Variants in RBFOX1 observed in about 807,000 individuals in gnomAD.
RBFOX1 encodes the protein RNA binding fox-1 homolog 1.
In RBFOX1, 8 loss-of-function variants were observed where a neutral mutation model predicts 57.7. That is an observed-to-expected ratio of 0.14 (90% CI 0.08 to 0.25). The LOEUF (loss-of-function observed/expected upper bound fraction) is 0.25. Among genes scored for constraint, RBFOX1 ranks in the 10% least tolerant of loss-of-function variants. The pLI is 1.00. For synonymous variants in RBFOX1, 326 were observed against 222.4 expected (o/e 1.47, Z -4.15); for missense variants, 611 against 548.5 (o/e 1.11, Z -1.14).
intron 4 of RBFOX1, among the ~76,000 whole-genome samples, chr16:5,974,396 G>A (rs1053847347): frequency 2.0e-5 from 3 of 152,022 alleles, no homozygotes; most frequent in African/African-American, 7.2e-5. Flanking sequence ...ATCATTTGAG[G>A]TCAGGAGTTC....
chr16:5,516,852 T>C (rs536484053), intron 2 of RBFOX1, among the ~76,000 whole-genome samples: 1 of 152,296 alleles, frequency 6.6e-6, no homozygotes, highest in East Asian at 1.9e-4. Context: ...CCTTCTGCCA[T>C]GATTGTAAGT....
intron 3 of RBFOX1, among the ~76,000 whole-genome samples, chr16:6,755,700 C>A (rs1013433243): frequency 1.3e-5 from 2 of 152,080 alleles, no homozygotes; most frequent in African/African-American, 2.4e-5. Flanking sequence ...CTAGAGAATT[C>A]GTTTCTTGGA....
intron 3 of RBFOX1, among the ~76,000 whole-genome samples, chr16:5,807,517 T>C (rs2055270627): frequency 6.6e-6 from 1 of 152,130 alleles, no homozygotes; most frequent in Non-Finnish European, 1.5e-5. Flanking sequence ...AACCAGGAAA[T>C]CAATTGGATG....
chr16:7,285,006 C>T (rs543750634), intron 4 of RBFOX1, among the ~76,000 whole-genome samples: 44 of 151,704 alleles, frequency 2.9e-4, no homozygotes, highest in Admixed American at 2.6e-3. Context: ...AATGGAATGC[C>T]GCCTCTTCAG....
intron 2 of RBFOX1, among the ~76,000 whole-genome samples, chr16:6,344,851 C>G (rs528236756): frequency 6.6e-6 from 1 of 151,692 alleles, no homozygotes; most frequent in South Asian, 2.1e-4. Flanking sequence ...CCACCATGCT[C>G]CACTAATTTT....
intron 3 of RBFOX1, among the ~76,000 whole-genome samples, chr16:6,689,810 C>T (rs538203064): frequency 1.3e-5 from 2 of 152,328 alleles, no homozygotes; most frequent in South Asian, 2.1e-4. Flanking sequence ...ACTCAATGCA[C>T]AGACTTCTTG....
Position 5,455,303 on chromosome 16 carries a change from A to C in RBFOX1, c.220-11913A>C, listed in dbSNP as rs558550248. Among the ~76,000 whole-genome samples, 8 of 152,182 alleles carry C rather than the reference A, an allele frequency of 5.3e-5. No individual in the cohort carries two copies. In the East Asian group the frequency reaches 1.6e-3, roughly 30 times the overall value. ...GGCATGTTTCCAAGAGGGAGTGCCC[A>C]GAGAGTGAATTTCCCAAGAGACCAA... On this transcript the variant is annotated intron_variant, in intron 1 of 2. Transcript: ENST00000585867.
At chr16:6,327,711 A>G (rs922772184) in intron 2 of RBFOX1, among the ~76,000 whole-genome samples, 2 of 152,212 alleles carry the variant, frequency 1.3e-5, no homozygotes, top group African/African-American at 2.4e-5. Flanking sequence ...AAGAAAAGAA[A>G]AAGGAGTTTC....
chr16:7,672,069 A>G (rs1162273915), intron 13 of RBFOX1, among the ~76,000 whole-genome samples: 1 of 152,196 alleles, frequency 6.6e-6, no homozygotes, highest in Admixed American at 6.5e-5. Context: ...TCTCATGTGC[A>G]ACATTAAGGG....
intron 4 of RBFOX1, among the ~76,000 whole-genome samples, chr16:7,326,026 A>T (rs563676776): frequency 2.0e-5 from 3 of 152,124 alleles, no homozygotes; most frequent in Non-Finnish European, 4.4e-5. Flanking sequence ...CATGTAGGGA[A>T]ACCTGACTCT....
chr16:5,733,891 G>A (rs991839208), intron 3 of RBFOX1, among the ~76,000 whole-genome samples: 1 of 151,934 alleles, frequency 6.6e-6, no homozygotes, highest in Non-Finnish European at 1.5e-5. Flanking sequence ...CTCCAAGGCT[G>A]CTGAGGACAT....
chr16:7,063,723 C>G, intron 4 of RBFOX1, among the ~76,000 whole-genome samples: 1 of 152,210 alleles, frequency 6.6e-6, no homozygotes, highest in East Asian at 1.9e-4. Flanking sequence ...ACCCAACACA[C>G]ACCTGGGTCT....
rs145503701 is a variant in RBFOX1, at chr16:6,164,797, A to T, written c.-127+144805A>T. ...ATGGAAATATTTTAATTGCCTGTAAACACACTCAGTGGAGCTCGTTACAAG... is the reference window on the plus strand; with the variant it reads ...ATGGAAATATTTTAATTGCCTGTAATCACACTCAGTGGAGCTCGTTACAAG... On this transcript the variant is annotated intron_variant, in intron 1 of 15. Coordinates refer to ENST00000550418, the MANE Select transcript of RBFOX1 (RefSeq NM_018723.4). Among the ~76,000 whole-genome samples the T allele has an allele frequency of 3.8e-4, 58 of 152,238 alleles. No homozygotes were observed. The East Asian group carries it at 9.8e-3, about 26-fold the overall frequency.
intron 3 of RBFOX1, among the ~76,000 whole-genome samples, chr16:5,790,771 T>A (rs1052244200): frequency 2.0e-5 from 3 of 152,118 alleles, no homozygotes; most frequent in African/African-American, 7.2e-5. Context: ...TTCGTCTTCC[T>A]CATTTGGCCT....
chr16:6,314,028 A>C (rs968221927), intron 1 of RBFOX1, among the ~76,000 whole-genome samples: 2 of 152,174 alleles, frequency 1.3e-5, no homozygotes, highest in Admixed American at 6.5e-5. Context: ...AATTCATTTC[A>C]ACTGTAGGTT....
intron 11 of RBFOX1, among the ~76,000 whole-genome samples, chr16:7,641,657 T>C (rs949402918): frequency 6.6e-6 from 1 of 152,234 alleles, no homozygotes; most frequent in Admixed American, 6.5e-5. Flanking sequence ...AGATCATTTT[T>C]CCTTTCTCTG....
intron 10 of RBFOX1, among the ~76,000 whole-genome samples, chr16:7,617,195 A>G (rs2058584773): frequency 6.6e-6 from 1 of 152,166 alleles, no homozygotes; most frequent in Admixed American, 6.5e-5. Context: ...CTGTAGGCAC[A>G]GATAGTGTTT....
At chr16:6,215,992 A>C (rs970660096) in intron 1 of RBFOX1, among the ~76,000 whole-genome samples, 1 of 152,182 alleles carries the variant, frequency 6.6e-6, no homozygotes, top group Non-Finnish European at 1.5e-5. Flanking sequence ...ACATGGATGG[A>C]GCTGGAGTCC....
At chr16:7,708,370 A>G (rs2083188497) in intron 14 of RBFOX1, among the ~76,000 whole-genome samples, 1 of 152,222 alleles carries the variant, frequency 6.6e-6, no homozygotes, top group Non-Finnish European at 1.5e-5. Flanking sequence ...GGTAGAGAGA[A>G]AAACACAAAG....
Sources: gnomAD v4.1 joint callset for allele counts (sites outside exome capture counted in the v4.1 genomes callset) on GRCh38, gnomAD v4.1.1 for gene constraint, MANE v1.5 for transcripts, NCBI Gene and HGNC (gene_info 2026-07-23, HGNC 2026-07-21) for gene names.